Variants in RNFT2 observed in about 807,000 individuals in gnomAD.
RNFT2 encodes ring finger protein, transmembrane 2, also known as E3 ubiquitin-protein ligase RNFT2.
RNFT2 carries 36 observed loss-of-function variants against 53.0 expected under a neutral mutation model. The observed-to-expected ratio is 0.68, with a 90% confidence interval of 0.52 to 0.90. The LOEUF (loss-of-function observed/expected upper bound fraction) is 0.90. RNFT2 is among the 40% of genes least tolerant of loss of function. RNFT2 has a pLI of 0.00. For missense variants in RNFT2, 514 were observed against 585.6 expected (o/e 0.88, Z 1.26); for synonymous variants, 260 against 253.2 (o/e 1.03, Z -0.26).
In RNFT2 at chr12:116,851,368, G is replaced by C. The variant is rs1166523891; in HGVS notation, c.*1920G>C. On this transcript the variant is annotated 3_prime_UTR_variant, in exon 11 of 11. Transcript: ENST00000257575. ...GGCACACTCCGCTATCCCCAGCAGA[G>C]CCCGCACTCTTAACCTCCGCACTGC... The C allele has an allele frequency of 9.0e-6, 2 of 221,984 alleles. No individual in the cohort carries two copies. The highest frequency in any genetic ancestry group is 1.8e-5 in the Non-Finnish European group (2 of 111,238). 13.8% of individuals were successfully genotyped at this position (221,984 alleles called of 1,614,324 possible). A position where few individuals can be genotyped will look rare whatever the true frequency, so the allele number is the denominator to read the frequency against.
chr12:116,749,909 CA>C lies in RNFT2; in HGVS notation c.153del (p.Glu52ArgfsTer105), dbSNP rs749715119. On this transcript the variant is annotated frameshift_variant, in exon 4 of 11. Coordinates refer to ENST00000257575, the MANE Select transcript of RNFT2 (RefSeq NM_001382266.1). LOFTEE classifies it high-confidence loss of function. ...DEGGVFESLKAEAASPPALFS... is the reference protein window; with the variant it reads ...DEGGVFESLKXEAASPPALFS... Reference sequence around the variant, plus strand: ...GGTGGCGTCTTTGAGAGTCTGAAGGCAGAGGCAGCCTCCCCACCAGCGCTCT... The same window carrying C: ...GGTGGCGTCTTTGAGAGTCTGAAGGCGAGGCAGCCTCCCCACCAGCGCTCT... 1 of 1,586,974 alleles carries C rather than the reference CA, an allele frequency of 6.3e-7. No homozygotes were observed. Among genetic ancestry groups the C allele is most frequent in the Admixed American group, 1.8e-5 (1 of 55,926 alleles).
intron 6 of RNFT2, 21 bp downstream of exon 6, chr12:116,766,935 C>G: frequency 6.5e-7 from 1 of 1,543,272 alleles, no homozygotes; most frequent in South Asian, 1.2e-5. Context: ...GAATCCAACC[C>G]CCACGGTGGG....
intron 7 of RNFT2, among the ~76,000 whole-genome samples, chr12:116,825,174 C>T (rs1334215987): frequency 6.6e-6 from 1 of 152,122 alleles, no homozygotes; most frequent in Non-Finnish European, 1.5e-5. Context: ...TCATGTTTCT[C>T]CTCCAATTAG....
In RNFT2 at chr12:116,803,532, T is replaced by G. The variant is rs79036659; in HGVS notation, c.882+24184T>G. Among the ~76,000 whole-genome samples, 9 of 152,318 alleles carry G rather than the reference T, an allele frequency of 5.9e-5. No individual in the cohort carries two copies. In the East Asian group the frequency reaches 7.7e-4, roughly 13 times the overall value. Reference sequence around the variant, plus strand: ...CCCCACTTACATCCACTGTATTGTTTCCTGTCTGTATTAATCAGGGTATCC... The same window carrying G: ...CCCCACTTACATCCACTGTATTGTTGCCTGTCTGTATTAATCAGGGTATCC... On this transcript the variant is annotated intron_variant, in intron 7 of 10. Coordinates refer to ENST00000257575, the MANE Select transcript of RNFT2 (RefSeq NM_001382266.1).
chr12:116,849,276 TAA>T lies in RNFT2; in HGVS notation c.1201-36_1201-35del, dbSNP rs958261663. On this transcript the variant is annotated intron_variant, in intron 10 of 10. Transcript: ENST00000257575. ...TCCCGAGACCGAGGCAGACGCTCAGTAAAGAGTCCTGGTGCCTGCTGATTGCT... is the reference window on the plus strand; with the variant it reads ...TCCCGAGACCGAGGCAGACGCTCAGTAGAGTCCTGGTGCCTGCTGATTGCT... The T allele has an allele frequency of 2.7e-6, 4 of 1,486,168 alleles. No homozygotes were observed. In the East Asian group the frequency reaches 1.0e-4, roughly 37 times the overall value. 92.1% of individuals were successfully genotyped at this position (1,486,168 alleles called of 1,614,324 possible). A position where few individuals can be genotyped will look rare whatever the true frequency, so the allele number is the denominator to read the frequency against.
At chr12:116,842,933 T>A (rs1383092619) in intron 10 of RNFT2, among the ~76,000 whole-genome samples, 2 of 152,138 alleles carry the variant, frequency 1.3e-5, no homozygotes, top group Non-Finnish European at 2.9e-5. Context: ...TCACCTGCAT[T>A]CATCCACCTG....
intron 10 of RNFT2, among the ~76,000 whole-genome samples, chr12:116,849,082 G>C (rs774921465): frequency 3.9e-4 from 60 of 152,070 alleles, no homozygotes; most frequent in Non-Finnish European, 1.6e-4. Flanking sequence ...GCCTCCCAAA[G>C]TGCTGGGATT....
chr12:116,805,982 C>A (rs975498201), intron 7 of RNFT2, among the ~76,000 whole-genome samples: 1 of 152,240 alleles, frequency 6.6e-6, no homozygotes, highest in Admixed American at 6.5e-5. Flanking sequence ...TAACTAAATA[C>A]TACAGCCTAG....
chr12:116,832,688 A>G (rs542022427), intron 7 of RNFT2, among the ~76,000 whole-genome samples: 1 of 152,296 alleles, frequency 6.6e-6, no homozygotes, highest in South Asian at 2.1e-4. Flanking sequence ...AGCTTCAGGG[A>G]CTTGTCCAAG....
chr12:116,827,457 A>C (rs1292361502), intron 7 of RNFT2, among the ~76,000 whole-genome samples: 1 of 152,202 alleles, frequency 6.6e-6, no homozygotes, highest in African/African-American at 2.4e-5. Context: ...ACAGGGAAAG[A>C]AGCTGGTATT....
At position 116,841,822 on chromosome 12, in the gene RNFT2, T is replaced by A. The variant is rs1331118006; in HGVS notation, c.1200+5540T>A. On this transcript the variant is annotated intron_variant, in intron 10 of 10. Coordinates refer to ENST00000257575, the MANE Select transcript of RNFT2 (RefSeq NM_001382266.1). ...ATATATATAAATATATATATAAAAATATATATATATAAATATATATATAAA... is the reference window on the plus strand; with the variant it reads ...ATATATATAAATATATATATAAAAAAATATATATATAAATATATATATAAA... Among the ~76,000 whole-genome samples the A allele has an allele frequency of 2.4e-4, 10 of 41,886 alleles. 2 individuals carry two copies. Among genetic ancestry groups the A allele is most frequent in the African/African-American group, 6.0e-4 (5 of 8,378 alleles). The allele number at this position is 41,886 out of a possible 152,430, so 27.5% of individuals were successfully genotyped here.
chr12:116,805,574 C>CGA (rs1401190928), intron 7 of RNFT2, among the ~76,000 whole-genome samples: 13 of 152,238 alleles, frequency 8.5e-5, no homozygotes, highest in Non-Finnish European at 1.9e-4. Context: ...TCCCGGGTTC[C>CGA]AGCAAGTCTC....
At chr12:116,760,107 T>C (rs1872640575) in intron 5 of RNFT2, among the ~76,000 whole-genome samples, 1 of 152,092 alleles carries the variant, frequency 6.6e-6, no homozygotes, top group South Asian at 2.1e-4. Flanking sequence ...TGCTGAGTCA[T>C]GCAGGTTGTC....
chr12:116,797,565 A>T (rs1206474118), intron 7 of RNFT2, among the ~76,000 whole-genome samples: 1 of 151,760 alleles, frequency 6.6e-6, no homozygotes, highest in Non-Finnish European at 1.5e-5. Context: ...TTATTAAGTT[A>T]GAGTGAGGTC....
intron 7 of RNFT2, among the ~76,000 whole-genome samples, chr12:116,791,461 G>T (rs538967003): frequency 1.3e-5 from 2 of 152,180 alleles, no homozygotes; most frequent in Non-Finnish European, 2.9e-5. Context: ...ACAGGAGTGC[G>T]CCACCAGGCC....
At chr12:116,827,915 CTT>C (rs1876426987) in intron 7 of RNFT2, among the ~76,000 whole-genome samples, 1 of 152,226 alleles carries the variant, frequency 6.6e-6, no homozygotes, top group African/African-American at 2.4e-5. Context: ...ATCCCAGCCT[CTT>C]TGGTTCCTGG....
At chr12:116,802,878 T>G (rs1874867065) in intron 7 of RNFT2, among the ~76,000 whole-genome samples, 1 of 151,938 alleles carries the variant, frequency 6.6e-6, no homozygotes, top group Non-Finnish European at 1.5e-5. Context: ...GAGGATCACT[T>G]GAATCCAGGA....
chr12:116,808,217 G>T (rs1875181031), intron 7 of RNFT2, among the ~76,000 whole-genome samples: 1 of 151,984 alleles, frequency 6.6e-6, no homozygotes, highest in Admixed American at 6.6e-5. Context: ...CACCTGCCTT[G>T]GCCTCCTAAA....
chr12:116,845,258 A>AATAT (rs1555210658), intron 10 of RNFT2, among the ~76,000 whole-genome samples: 1 of 122,546 alleles, frequency 8.2e-6, no homozygotes, highest in Admixed American at 8.6e-5. Flanking sequence ...AAAAAAAAAA[A>AATAT]ATATATATAT....
Sources: allele counts gnomAD v4.1 joint callset (sites outside exome capture counted in the v4.1 genomes callset), GRCh38; gene constraint gnomAD v4.1.1; transcripts MANE v1.5; gene names NCBI Gene and HGNC (gene_info 2026-07-23, HGNC 2026-07-21).